The following EPB41L2 variants were observed in gnomAD, a reference collection of about 807,000 sequenced individuals.
The protein encoded by EPB41L2 is band 4.1-like protein 2.
A neutral mutation model predicts 113.0 loss-of-function variants in EPB41L2; 43 were observed. The ratio of observed to expected loss-of-function variants is 0.38; its 90% CI spans 0.30 to 0.49. The LOEUF (loss-of-function observed/expected upper bound fraction) is 0.49. Among genes scored for constraint, EPB41L2 ranks in the 20% least tolerant of loss-of-function variants. The pLI, the probability that EPB41L2 is intolerant of heterozygous loss-of-function variation, is 0.95. For synonymous variants in EPB41L2, 442 were observed against 436.7 expected, an observed-to-expected ratio of 1.01 and a Z score of -0.15; for missense variants, 1,147 against 1,223.4, an observed-to-expected ratio of 0.94 and a Z score of 0.93.
chr6:130,988,576 C>G (rs979307634), intron 1 of EPB41L2, among the ~76,000 whole-genome samples: 1 of 152,066 alleles, frequency 6.6e-6, no homozygotes, highest in Admixed American at 6.6e-5. Flanking sequence ...GCAGGGCATC[C>G]GAAGGGGCTG....
chr6:130,973,227 C>A (rs181926157), intron 1 of EPB41L2, among the ~76,000 whole-genome samples: 40 of 151,946 alleles, frequency 2.6e-4, no homozygotes, highest in Non-Finnish European at 3.4e-4. Context: ...TTCCATGGCA[C>A]CTCTGAAGAG....
intron 19 of EPB41L2, among the ~76,000 whole-genome samples, chr6:130,855,791 A>C (rs1375929625): frequency 1.3e-5 from 2 of 152,194 alleles, no homozygotes; most frequent in African/African-American, 2.4e-5. Flanking sequence ...TGCAGGATTT[A>C]ATCTTAGAAC....
At chr6:131,057,965 A>G (rs1797917609) in intron 1 of EPB41L2, among the ~76,000 whole-genome samples, 1 of 152,224 alleles carries the variant, frequency 6.6e-6, no homozygotes, top group African/African-American at 2.4e-5. Flanking sequence ...CAAAATTTCA[A>G]CTTGGCTATC....
At chr6:131,003,459 C>T (rs1168232429) in intron 1 of EPB41L2, among the ~76,000 whole-genome samples, 2 of 152,192 alleles carry the variant, frequency 1.3e-5, no homozygotes, top group Non-Finnish European at 2.9e-5. Context: ...CTTCGAAATA[C>T]ACTGCCAATC....
At chr6:131,016,848 C>A (rs1336840507) in intron 1 of EPB41L2, among the ~76,000 whole-genome samples, 4 of 140,666 alleles carry the variant, frequency 2.8e-5, no homozygotes, top group African/African-American at 1.0e-4. Flanking sequence ...TATTCGCACA[C>A]AAAAAAAAAA....
At chr6:131,032,882 C>T (rs1301665749) in intron 1 of EPB41L2, among the ~76,000 whole-genome samples, 1 of 152,190 alleles carries the variant, frequency 6.6e-6, no homozygotes, top group Non-Finnish European at 1.5e-5. Flanking sequence ...CACGGTGGCT[C>T]ACGCTTGAAA....
At chr6:130,993,397 C>A (rs1782333531) in intron 1 of EPB41L2, among the ~76,000 whole-genome samples, 1 of 152,208 alleles carries the variant, frequency 6.6e-6, no homozygotes, top group East Asian at 1.9e-4. Flanking sequence ...CTCTGCAAGG[C>A]TCTTGTATCG....
chr6:130,899,639 T>C, intron 7 of EPB41L2, 61 bp from the exon 8 acceptor site: 1 of 1,463,660 alleles, frequency 6.8e-7, no homozygotes, highest in South Asian at 1.1e-5. Flanking sequence ...GTAGTCAGAA[T>C]GGGAGGAGTG....
At chr6:130,855,661 C>T (rs1181126113) in intron 19 of EPB41L2, among the ~76,000 whole-genome samples, 1 of 151,918 alleles carries the variant, frequency 6.6e-6, no homozygotes, top group African/African-American at 2.4e-5. Flanking sequence ...TAATGAAAGA[C>T]ATTAAAGAAG....
rs563289363 is a variant in EPB41L2 at position 130,972,756 on chromosome 6, C to G, written c.-14-16257G>C. Among the ~76,000 whole-genome samples the G allele has an allele frequency of 3.9e-5, 6 of 152,098 alleles. 1 individual carries two copies. The South Asian group carries it at 1.2e-3, about 32-fold the overall frequency. On this transcript the variant is annotated intron_variant, in intron 1 of 19. Transcript: ENST00000337057. ...AGAAAATGCTTTAGATATTTATTAACAGATAAACAAGATGTCACCAGTACC... is the reference window on the plus strand; with the variant it reads ...AGAAAATGCTTTAGATATTTATTAAGAGATAAACAAGATGTCACCAGTACC...
intron 11 of EPB41L2, among the ~76,000 whole-genome samples, chr6:130,889,253 T>G (rs1792017528): frequency 6.6e-6 from 1 of 151,912 alleles, no homozygotes; most frequent in African/African-American, 2.4e-5. Flanking sequence ...CTAATCATTT[T>G]CTATTACAAA....
intron 3 of EPB41L2, among the ~76,000 whole-genome samples, chr6:130,929,857 T>TCTCACACACA (rs1491200686): frequency 8.1e-6 from 1 of 123,372 alleles, no homozygotes; most frequent in Non-Finnish European, 1.7e-5. Flanking sequence ...AGACAGACAG[T>TCTCACACACA]CACACACACA....
intron 17 of EPB41L2, among the ~76,000 whole-genome samples, chr6:130,865,151 T>C (rs530578334): frequency 6.6e-6 from 1 of 152,346 alleles, no homozygotes; most frequent in Admixed American, 6.5e-5. Context: ...AAATTCTACA[T>C]TATTTGAACA....
intron 1 of EPB41L2, among the ~76,000 whole-genome samples, chr6:130,969,829 C>T (rs1201068529): frequency 6.6e-6 from 1 of 152,032 alleles, no homozygotes; most frequent in Non-Finnish European, 1.5e-5. Context: ...ACTGTGCTTC[C>T]AGAAATAATA....
chr6:130,869,999 C>G lies in EPB41L2; in HGVS notation c.2171G>C (p.Arg724Pro), dbSNP rs150621192. ...TTTTTGTGTCACAGGCTCCACCTTA[C>G]GAATCTCCCCAGGACCACTCCCAGG... ...ISPGSGPGEI[R>P]KVEPVTQKDS... is the part of the protein sequence containing the mutation. Residue 724 changes from arginine to proline, a missense_variant, in exon 15 of 20, where the codon CGT (arginine) becomes CCT (proline). Arg to Pro is a moderately radical substitution (Grantham distance 103). Coordinates refer to ENST00000337057, the MANE Select transcript of EPB41L2 (RefSeq NM_001431.4). 1.2e-6 allele frequency: 2 copies of G among 1,613,842 alleles called. No homozygotes were observed. The highest frequency in any genetic ancestry group is 2.2e-5 in the South Asian group (2 of 91,050).
chr6:131,024,335 G>C (rs1790337535), intron 1 of EPB41L2, among the ~76,000 whole-genome samples: 1 of 152,176 alleles, frequency 6.6e-6, no homozygotes, highest in Non-Finnish European at 1.5e-5. Context: ...TTATGGTTAA[G>C]AGTGTGGCAG....
chr6:130,985,737 GC>G (rs557007257), intron 1 of EPB41L2, among the ~76,000 whole-genome samples: 77 of 152,324 alleles, frequency 5.1e-4, no homozygotes, highest in Non-Finnish European at 8.2e-4. Flanking sequence ...TAGAAAGAGT[GC>G]TGAGGGCTTT....
intron 1 of EPB41L2, among the ~76,000 whole-genome samples, chr6:130,993,863 C>G (rs1172650815): frequency 1.3e-5 from 2 of 152,280 alleles, no homozygotes; most frequent in East Asian, 3.9e-4. Context: ...TACCTGCCAC[C>G]ATCAGGGTTA....
intron 1 of EPB41L2, among the ~76,000 whole-genome samples, chr6:131,005,178 G>GC (rs754520637): frequency 6.9e-6 from 1 of 145,208 alleles, no homozygotes; most frequent in African/African-American, 2.5e-5. Flanking sequence ...CTTTTACAGA[G>GC]TTTTTTTTTT....
Sources: gnomAD v4.1 joint callset for allele counts (sites outside exome capture counted in the v4.1 genomes callset) on GRCh38, gnomAD v4.1.1 for gene constraint, MANE v1.5 for transcripts, NCBI Gene and HGNC (gene_info 2026-07-23, HGNC 2026-07-21) for gene names.